The following RNF24 variants were observed in gnomAD, a reference collection of about 807,000 sequenced individuals.
RNF24 encodes ring finger protein 24.
A neutral mutation model predicts 20.0 loss-of-function variants in RNF24; 14 were observed. The ratio of observed to expected loss-of-function variants is 0.70; its 90% confidence interval spans 0.46 to 1.10. The LOEUF (loss-of-function observed/expected upper bound fraction) is 1.10, where lower values mean the gene tolerates loss of function less well. RNF24 is among the 50% of genes least tolerant of loss of function. The pLI is 0.00. For synonymous variants in RNF24, 45 were observed against 61.1 expected (o/e 0.74, Z 1.23); for missense variants, 124 against 177.6 (o/e 0.70, Z 1.71).
intron 1 of RNF24, among the ~76,000 whole-genome samples, chr20:3,969,175 C>T (rs1941590374): frequency 1.3e-5 from 2 of 152,086 alleles, no homozygotes; most frequent in Admixed American, 6.6e-5. Context: ...TACCTGGGCA[C>T]ATACTGTGTA....
In RNF24 at chr20:3,928,181, A is replaced by G. The variant is rs1262228482; in HGVS notation, c.*5882T>C. Reference sequence around the variant, plus strand: ...TGCTTAAGAAATCTGTAACAGCTACAGGAAAAGACACACCCAGGGCCAGAG... The same window carrying G: ...TGCTTAAGAAATCTGTAACAGCTACGGGAAAAGACACACCCAGGGCCAGAG... On this transcript the variant is annotated 3_prime_UTR_variant, in exon 6 of 6. Transcript: ENST00000358395. 1.3e-5 allele frequency: 2 copies of G among 152,232 alleles called. No homozygotes were observed. The highest frequency in any genetic ancestry group is 2.9e-5 in the Non-Finnish European group (2 of 68,046). 9.4% of individuals were successfully genotyped at this position (152,232 alleles called of 1,614,324 possible). A position where few individuals can be genotyped will look rare whatever the true frequency, so the allele number is the denominator to read the frequency against.
chr20:3,934,189 C>G lies in RNF24; in HGVS notation c.321G>C (p.Lys107Asn). Residue 107 changes from lysine (K) to asparagine (N), a missense_variant, in exon 6 of 6, where the codon AAG becomes AAC. Physicochemically the swap from Lys to Asn is moderately conservative, Grantham distance 94. Coordinates refer to ENST00000358395, the MANE Select transcript of RNF24 (RefSeq NM_001134337.3). The surrounding 1 kb of genome is among the most constrained non-coding windows in gnomAD (Gnocchi z 4.0). Reference protein sequence around the residue: ...KHAFHRKCLIKWLEVRKVCPL... With the variant: ...KHAFHRKCLINWLEVRKVCPL... Reference sequence around the variant, plus strand: ...GACACACTTTACGAACCTCCAGCCACTTAATAAGGCACCTGCAGAAGGAGA... The same window carrying G: ...GACACACTTTACGAACCTCCAGCCAGTTAATAAGGCACCTGCAGAAGGAGA... 6.2e-7 allele frequency: 1 copy of G among 1,607,132 alleles called. No homozygotes were observed. Among genetic ancestry groups the G allele is most frequent in the Non-Finnish European group, 8.5e-7 (1 of 1,176,542 alleles).
chr20:3,978,526 T>C (rs1979098722), intron 1 of RNF24, among the ~76,000 whole-genome samples: 1 of 152,146 alleles, frequency 6.6e-6, no homozygotes, highest in African/African-American at 2.4e-5. Flanking sequence ...AGCTATGCTT[T>C]AATCAAAAAA....
At chr20:3,998,574 C>CAAAAAA (rs34012774) in intron 1 of RNF24, among the ~76,000 whole-genome samples, 6 of 31,340 alleles carry the variant, frequency 1.9e-4, no homozygotes, top group Admixed American at 6.1e-4. Flanking sequence ...GACTCTATCT[C>CAAAAAA]AAAAAAAAAA....
rs1392983611 is a variant in RNF24, at chr20:3,933,403, G to A, written c.*660C>T. The A allele has an allele frequency of 2.6e-6, 1 of 390,246 alleles. No homozygotes were observed. 24.2% of individuals were successfully genotyped at this position (390,246 alleles called of 1,614,324 possible). A position where few individuals can be genotyped will look rare whatever the true frequency, so the allele number is the denominator to read the frequency against. ...ACGGGCCTTACTGGTGCATAGGAGA[G>A]GGAAATGATAAGAGGAAATGGCTTC... is the stretch of plus-strand genomic sequence containing the variant. On this transcript the variant is annotated 3_prime_UTR_variant, in exon 6 of 6. Transcript: ENST00000358395.
At position 3,991,670 on chromosome 20, in the gene RNF24, T is replaced by G. The variant is rs563690677; in HGVS notation, c.-8+23767A>C. Reference sequence around the variant, plus strand: ...AAAATCCTGGCTTTTTCTGGATAAATGTAGTGAGGAAAAATTATCACAAGG... The same window carrying G: ...AAAATCCTGGCTTTTTCTGGATAAAGGTAGTGAGGAAAAATTATCACAAGG... On this transcript the variant is annotated intron_variant, in intron 1 of 5. Coordinates refer to ENST00000358395, the MANE Select transcript of RNF24 (RefSeq NM_001134337.3). 7.2e-5 allele frequency among the ~76,000 whole-genome samples: 11 copies of G among 152,294 alleles called. No individual in the cohort carries two copies. The South Asian group carries it at 2.3e-3, about 32-fold the overall frequency.
At chr20:3,994,123 C>T (rs1404147147) in intron 1 of RNF24, among the ~76,000 whole-genome samples, 1 of 152,150 alleles carries the variant, frequency 6.6e-6, no homozygotes, top group Non-Finnish European at 1.5e-5. Context: ...AATCAATGTT[C>T]ATTTTATTCT....
intron 1 of RNF24, among the ~76,000 whole-genome samples, chr20:4,010,974 A>G (rs1354692611): frequency 6.6e-6 from 1 of 152,200 alleles, no homozygotes; most frequent in Non-Finnish European, 1.5e-5. Context: ...AGAATAGCAT[A>G]TTGGGTGAGA....
At chr20:3,966,870 C>T (rs1443409813) in intron 1 of RNF24, among the ~76,000 whole-genome samples, 1 of 152,216 alleles carries the variant, frequency 6.6e-6, no homozygotes, top group African/African-American at 2.4e-5. Flanking sequence ...GAAGAGACAT[C>T]TGCCTTAGTG....
chr20:3,981,874 T>G (rs1302840268), intron 1 of RNF24, among the ~76,000 whole-genome samples: 1 of 152,090 alleles, frequency 6.6e-6, no homozygotes, highest in Non-Finnish European at 1.5e-5. Flanking sequence ...ATCCCAGCAC[T>G]TGGGGAGGCA....
At position 3,932,645 on chromosome 20, in the gene RNF24, T is replaced by G; in HGVS notation, c.*1418A>C. 3.0e-6 allele frequency: 1 copy of G among 331,948 alleles called. No individual in the cohort carries two copies. The highest frequency in any genetic ancestry group is 8.1e-4 in the Middle Eastern group (1 of 1,230). 20.6% of individuals were successfully genotyped at this position (331,948 alleles called of 1,614,324 possible). A position where few individuals can be genotyped will look rare whatever the true frequency, so the allele number is the denominator to read the frequency against. On this transcript the variant is annotated 3_prime_UTR_variant, in exon 6 of 6. Coordinates refer to ENST00000358395, the MANE Select transcript of RNF24 (RefSeq NM_001134337.3). ...ATTCTCCATGTCACGCAGACTGTATTCCTAATGAAAAACTTCCCCCACTCA... is the reference window on the plus strand; with the variant it reads ...ATTCTCCATGTCACGCAGACTGTATGCCTAATGAAAAACTTCCCCCACTCA...
chr20:3,971,425 A>C (rs988060844), intron 1 of RNF24, among the ~76,000 whole-genome samples: 8 of 152,228 alleles, frequency 5.3e-5, no homozygotes, highest in African/African-American at 1.9e-4. Context: ...TTGGAACATC[A>C]AGAAGGAAGA....
intron 1 of RNF24, among the ~76,000 whole-genome samples, chr20:3,972,896 C>G (rs900434316): frequency 2.0e-5 from 3 of 149,164 alleles, no homozygotes; most frequent in Non-Finnish European, 4.4e-5. Flanking sequence ...GAGTGAGACT[C>G]CGTCTCAGTT....
intron 4 of RNF24, among the ~76,000 whole-genome samples, chr20:3,939,208 G>A (rs1465222273): frequency 6.6e-6 from 1 of 152,168 alleles, no homozygotes; most frequent in Admixed American, 6.5e-5. Flanking sequence ...TGCCCAGGCT[G>A]GTCTCAAATT....
At chr20:4,000,525 CA>C (rs890696982) in intron 1 of RNF24, among the ~76,000 whole-genome samples, 42 of 145,468 alleles carry the variant, frequency 2.9e-4, no homozygotes, top group African/African-American at 5.5e-4. Flanking sequence ...AACTCTGTCT[CA>C]AAAAAAAAAA....
intron 1 of RNF24, among the ~76,000 whole-genome samples, chr20:3,979,876 T>C (rs911611607): frequency 3.3e-5 from 5 of 151,850 alleles, no homozygotes; most frequent in African/African-American, 1.2e-4. Flanking sequence ...GTATTATCAA[T>C]CTAAAAAAGA....
intron 2 of RNF24, among the ~76,000 whole-genome samples, chr20:3,952,712 T>TC (rs2091095737): frequency 2.0e-5 from 3 of 152,116 alleles, no homozygotes; most frequent in Non-Finnish European, 4.4e-5. Flanking sequence ...TAGATACTCT[T>TC]TCAAATTTTA....
At chr20:3,987,818 C>T (rs750131605) in intron 1 of RNF24, among the ~76,000 whole-genome samples, 15 of 152,114 alleles carry the variant, frequency 9.9e-5, no homozygotes, top group Non-Finnish European at 1.9e-4. Flanking sequence ...AGAGTTTTCA[C>T]TGCAGGCAGT....
At chr20:3,947,990 G>A (rs2091039163) in intron 3 of RNF24, among the ~76,000 whole-genome samples, 1 of 151,392 alleles carries the variant, frequency 6.6e-6, no homozygotes, top group Non-Finnish European at 1.5e-5. Flanking sequence ...AGGTTGCTGT[G>A]AGCCGAGATC....
Sources: gnomAD v4.1 joint callset for allele counts (sites outside exome capture counted in the v4.1 genomes callset) on GRCh38, gnomAD v4.1.1 for gene constraint, Gnocchi (gnomAD v3.1) non-coding constraint, MANE v1.5 for transcripts, NCBI Gene and HGNC (gene_info 2026-07-23, HGNC 2026-07-21) for gene names.